The following MTFR1 variants were observed in gnomAD, a reference collection of about 807,000 sequenced individuals.
The protein encoded by MTFR1 is chondrocyte protein with a poly-proline region.
Under a neutral mutation model 38.8 loss-of-function variants are expected in MTFR1, and 28 were observed. That is an observed-to-expected ratio of 0.72 (90% CI 0.53 to 0.99). The LOEUF (loss-of-function observed/expected upper bound fraction) is 0.99. MTFR1 is among the 50% of genes least tolerant of loss of function. The pLI is 0.00. For synonymous variants in MTFR1, 145 were observed against 137.0 expected (o/e 1.06, Z -0.41); for missense variants, 358 against 395.5 (o/e 0.91, Z 0.81).
rs545752814 is a variant in MTFR1 at position 65,757,907 on chromosome 8, A to G, written c.*49-13040A>G. Among the ~76,000 whole-genome samples, 12 of 152,188 alleles carry G rather than the reference A, an allele frequency of 7.9e-5. 1 individual carries two copies. The highest frequency in any genetic ancestry group is 2.1e-4 in the South Asian group (1 of 4,824). On this transcript the variant is annotated intron_variant, in intron 3 of 3. Coordinates refer to the MTFR1 transcript ENST00000521247. ...GCTGGGATTACAGGTGTGAGCCACC[A>G]CACCCAGCCAACTCCAAGACTTTTA...
At chr8:65,656,214 C>T (rs1563433023) in intron 1 of MTFR1, among the ~76,000 whole-genome samples, 1 of 150,950 alleles carries the variant, frequency 6.6e-6, no homozygotes, top group African/African-American at 2.4e-5. Flanking sequence ...CAAAACAAAA[C>T]AAAAACAAAC....
chr8:65,663,025 A>C (rs1804237837), intron 1 of MTFR1, among the ~76,000 whole-genome samples: 2 of 152,126 alleles, frequency 1.3e-5, no homozygotes, highest in South Asian at 4.2e-4. Flanking sequence ...CCTGTCTGGG[A>C]GGTGTACTCA....
chr8:65,712,285 C>T (rs1805967818), downstream of MTFR1, among the ~76,000 whole-genome samples: 1 of 152,192 alleles, frequency 6.6e-6, no homozygotes, highest in African/African-American at 2.4e-5. Flanking sequence ...AAGGCACTGA[C>T]CGCGGGGGCT....
chr8:65,677,449 G>A (rs987355024), intron 2 of MTFR1, among the ~76,000 whole-genome samples: 3 of 140,666 alleles, frequency 2.1e-5, no homozygotes, highest in African/African-American at 8.0e-5. Flanking sequence ...GTGGCACGAT[G>A]TCAGCTCACG....
chr8:65,747,292 G>A (rs1247720289), intron 3 of MTFR1, among the ~76,000 whole-genome samples: 1 of 152,162 alleles, frequency 6.6e-6, no homozygotes, highest in African/African-American at 2.4e-5. Flanking sequence ...TGCTCTCTTG[G>A]ACTCAGTTTC....
At chr8:65,660,576 G>A (rs1809384625) in intron 1 of MTFR1, among the ~76,000 whole-genome samples, 1 of 152,178 alleles carries the variant, frequency 6.6e-6, no homozygotes, top group Admixed American at 6.5e-5. Context: ...CTTCTCATCA[G>A]ACTGAGATTT....
At chr8:65,772,343 C>T (rs1046681111), downstream of MTFR1, among the ~76,000 whole-genome samples, 2 of 152,112 alleles carry the variant, frequency 1.3e-5, no homozygotes, top group Non-Finnish European at 2.9e-5. Context: ...ATTTTTAATT[C>T]TATACAAGGT....
At chr8:65,711,724 C>G (rs1232129462), downstream of MTFR1, among the ~76,000 whole-genome samples, 1 of 152,154 alleles carries the variant, frequency 6.6e-6, no homozygotes, top group Non-Finnish European at 1.5e-5. Flanking sequence ...ATAGCATAAC[C>G]AAGTAAGGAT....
At chr8:65,679,992 C>A (rs1804827958) in intron 2 of MTFR1, among the ~76,000 whole-genome samples, 1 of 152,134 alleles carries the variant, frequency 6.6e-6, no homozygotes, top group African/African-American at 2.4e-5. Context: ...CAAGAGCTAT[C>A]ATTTTTGTTG....
chr8:65,724,984 T>C, intron 3 of MTFR1: 2 of 1,109,862 alleles, frequency 1.8e-6, no homozygotes, highest in Non-Finnish European at 2.5e-6. Flanking sequence ...ATTGATTTTT[T>C]TTCTTAACCA....
chr8:65,705,332 C>CA (rs1360110421), intron 5 of MTFR1, among the ~76,000 whole-genome samples: 42 of 152,094 alleles, frequency 2.8e-4, no homozygotes, highest in Non-Finnish European at 1.5e-5. Flanking sequence ...CAAAACTAAA[C>CA]AAAAAACAAA....
the MTFR1 span, among the ~76,000 whole-genome samples, chr8:65,778,525 C>G: frequency 6.6e-6 from 1 of 152,186 alleles, no homozygotes; most frequent in Non-Finnish European, 1.5e-5. Context: ...GCAAGCCAAA[C>G]TTGATATATA....
At chr8:65,730,171 C>CTTT (rs1179431555) in intron 3 of MTFR1, among the ~76,000 whole-genome samples, 3,299 of 86,188 alleles carry the variant, frequency 0.038, 719 homozygotes, top group East Asian at 0.31. Flanking sequence ...TTGCGCACTT[C>CTTT]TTTTTTTTTT....
intron 3 of MTFR1, among the ~76,000 whole-genome samples, chr8:65,768,666 G>C (rs1563498564): frequency 6.6e-6 from 1 of 152,032 alleles, no homozygotes; most frequent in Non-Finnish European, 1.5e-5. Context: ...TCACAAAATA[G>C]AACATTTCCC....
chr8:65,671,077 A>T (rs956800044), intron 2 of MTFR1, among the ~76,000 whole-genome samples: 1 of 152,178 alleles, frequency 6.6e-6, no homozygotes, highest in Non-Finnish European at 1.5e-5. Context: ...CCAAGGTTAC[A>T]TCTGTTTTCT....
intron 5 of MTFR1, among the ~76,000 whole-genome samples, chr8:65,706,694 T>G (rs1322606328): frequency 1.3e-5 from 2 of 152,212 alleles, no homozygotes; most frequent in Admixed American, 1.3e-4. Flanking sequence ...TTTGCAGTAC[T>G]TTGTTTTATA....
At chr8:65,676,418 C>T (rs1804709227) in intron 2 of MTFR1, among the ~76,000 whole-genome samples, 1 of 152,144 alleles carries the variant, frequency 6.6e-6, no homozygotes, top group Non-Finnish European at 1.5e-5. Flanking sequence ...GGCTGGAGTG[C>T]AGTGGCGCAT....
At chr8:65,711,927 G>A (rs1262463506), downstream of MTFR1, among the ~76,000 whole-genome samples, 1 of 152,172 alleles carries the variant, frequency 6.6e-6, no homozygotes, top group African/African-American at 2.4e-5. Flanking sequence ...TTTCAGGAGG[G>A]TAAATGTTAA....
chr8:65,690,394 C>A (rs1295671226), intron 3 of MTFR1, among the ~76,000 whole-genome samples: 1 of 151,804 alleles, frequency 6.6e-6, no homozygotes, highest in Non-Finnish European at 1.5e-5. Flanking sequence ...AAAAATGAGC[C>A]AGGTGTCGTG....
Sources: gnomAD v4.1 joint callset for allele counts (sites outside exome capture counted in the v4.1 genomes callset) on GRCh38, gnomAD v4.1.1 for gene constraint, MANE v1.5 for transcripts, NCBI Gene and HGNC (gene_info 2026-07-23, HGNC 2026-07-21) for gene names.